Variants in MTF2 observed in about 807,000 individuals in gnomAD.
The protein encoded by MTF2 is metal response element binding transcription factor 2.
MTF2 carries 11 observed loss-of-function variants against 79.5 expected under a neutral mutation model. That is an observed-to-expected ratio of 0.14 (90% CI 0.09 to 0.23). The LOEUF (loss-of-function observed/expected upper bound fraction) is 0.23, where lower values mean the gene tolerates loss of function less well. MTF2 is among the 10% of genes least tolerant of loss of function. The pLI is 1.00. For missense variants in MTF2, 486 were observed against 711.2 expected (o/e 0.68, Z 3.60); for synonymous variants, 208 against 232.8 (o/e 0.89, Z 0.97).
At chr1:93,084,552 T>G (rs889287728) in intron 1 of MTF2, among the ~76,000 whole-genome samples, 1 of 152,170 alleles carries the variant, frequency 6.6e-6, no homozygotes, top group African/African-American at 2.4e-5. Flanking sequence ...TTGGTAGGTA[T>G]TGTATTGAAT....
At chr1:93,128,445 T>A (rs1013561506) in intron 10 of MTF2, among the ~76,000 whole-genome samples, 1 of 150,898 alleles carries the variant, frequency 6.6e-6, no homozygotes, top group African/African-American at 2.4e-5. Context: ...TATTCCCAGC[T>A]ACTTAGGAGG....
chr1:93,129,142 A>G, intron 10 of MTF2, 136 bp from the exon 11 acceptor site: 2 of 512,310 alleles, frequency 3.9e-6, no homozygotes, highest in East Asian at 6.7e-5. Flanking sequence ...AATCAAGGAA[A>G]GCAAGGGGAA....
intron 1 of MTF2, among the ~76,000 whole-genome samples, chr1:93,105,428 A>G (rs189512820): frequency 6.6e-6 from 1 of 152,300 alleles, no homozygotes; most frequent in Non-Finnish European, 1.5e-5. Context: ...GCCCAGAGAG[A>G]AGATTTATTG....
chr1:93,083,194 C>T (rs1654679278), intron 1 of MTF2, among the ~76,000 whole-genome samples: 1 of 152,164 alleles, frequency 6.6e-6, no homozygotes, highest in South Asian at 2.1e-4. Flanking sequence ...GGCGGCTCCA[C>T]ATGCTTTTAA....
chr1:93,119,431 G>A, intron 8 of MTF2, 30 bp downstream of exon 8: 1 of 1,507,662 alleles, frequency 6.6e-7, no homozygotes, highest in Non-Finnish European at 9.0e-7. Context: ...TTAAAAGAAA[G>A]AAAAGCCATT....
intron 1 of MTF2, among the ~76,000 whole-genome samples, chr1:93,091,609 A>G (rs894326234): frequency 6.6e-6 from 1 of 152,208 alleles, no homozygotes; most frequent in Non-Finnish European, 1.5e-5. Flanking sequence ...AAGATTGCCA[A>G]CGTTTCATTT....
At chr1:93,094,661 G>C (rs1464412634) in intron 1 of MTF2, among the ~76,000 whole-genome samples, 6 of 151,884 alleles carry the variant, frequency 4.0e-5, no homozygotes, top group African/African-American at 1.5e-4. Context: ...AGGCTTACCA[G>C]GTTCAGGTTT....
intron 1 of MTF2, among the ~76,000 whole-genome samples, chr1:93,080,764 C>CTT (rs34251431): frequency 5.1e-5 from 7 of 136,720 alleles, no homozygotes; most frequent in Non-Finnish European, 1.1e-4. Context: ...TTGGGAATTC[C>CTT]TTTTTTTTTT....
chr1:93,131,235 T>A (rs1031564524), intron 11 of MTF2, among the ~76,000 whole-genome samples: 1 of 151,990 alleles, frequency 6.6e-6, no homozygotes, highest in African/African-American at 2.4e-5. Context: ...AACCAGGAAG[T>A]TTGATGTCAT....
intron 9 of MTF2, among the ~76,000 whole-genome samples, chr1:93,123,726 C>T (rs1034332086): frequency 6.7e-6 from 1 of 150,230 alleles, no homozygotes; most frequent in Non-Finnish European, 1.5e-5. Flanking sequence ...TGTAATCTTA[C>T]ATTGAATCAG....
intron 10 of MTF2, 41 bp downstream of exon 10, chr1:93,127,340 T>A: frequency 4.0e-6 from 5 of 1,243,090 alleles, no homozygotes; most frequent in Non-Finnish European, 5.9e-6. Context: ...AGGGAGACAT[T>A]TAGTAAGTAT....
At chr1:93,127,986 G>T (rs930395410) in intron 10 of MTF2, among the ~76,000 whole-genome samples, 8 of 152,060 alleles carry the variant, frequency 5.3e-5, no homozygotes, top group African/African-American at 1.9e-4. Flanking sequence ...ATAAGTTGGT[G>T]TTTTGAAATT....
At chr1:93,116,501 ATTT>A (rs34058324) in intron 6 of MTF2, among the ~76,000 whole-genome samples, 10 of 120,396 alleles carry the variant, frequency 8.3e-5, no homozygotes, top group Admixed American at 1.8e-4. Context: ...CCATTGTAAG[ATTT>A]TTTTTTTTTT....
In MTF2 at chr1:93,137,163, T is replaced by A; in HGVS notation, c.*136T>A. 1 of 645,404 alleles carries A rather than the reference T, an allele frequency of 1.5e-6. No homozygotes were observed. The highest frequency in any genetic ancestry group is 2.6e-6 in the Non-Finnish European group (1 of 387,160). 40.0% of individuals were successfully genotyped at this position (645,404 alleles called of 1,614,324 possible). On this transcript the variant is annotated 3_prime_UTR_variant, in exon 15 of 15. Transcript: ENST00000370298. ...AAAAATTCAAAAAAGGGGATGATAC[T>A]AGCCTTAACATGTACCTGTCAATGT...
chr1:93,106,492 T>G (rs1008210382), intron 1 of MTF2, among the ~76,000 whole-genome samples: 1 of 150,682 alleles, frequency 6.6e-6, no homozygotes, highest in African/African-American at 2.4e-5. Flanking sequence ...GGATGCAAAA[T>G]CCCTCAAGTG....
At chr1:93,079,632 A>G (rs1006596267) in intron 1 of MTF2, 101 bp downstream of exon 1, 3 of 1,384,450 alleles carry the variant, frequency 2.2e-6, no homozygotes, top group Non-Finnish European at 3.1e-6. Context: ...ATGGAGGACC[A>G]AGGTGGGGGT....
intron 11 of MTF2, 98 bp downstream of exon 11, chr1:93,129,546 G>A: frequency 1.0e-6 from 1 of 960,838 alleles, no homozygotes; most frequent in Non-Finnish European, 1.4e-6. Context: ...AGTACAAGTG[G>A]CAGTTACTCT....
At chr1:93,106,617 T>G (rs1211319505) in intron 1 of MTF2, among the ~76,000 whole-genome samples, 6 of 152,072 alleles carry the variant, frequency 3.9e-5, no homozygotes, top group African/African-American at 1.2e-4. Context: ...CCTCCTGGGT[T>G]CAAGACATTT....
At chr1:93,088,538 A>G (rs192615870) in intron 1 of MTF2, among the ~76,000 whole-genome samples, 1 of 152,280 alleles carries the variant, frequency 6.6e-6, no homozygotes, top group East Asian at 1.9e-4. Context: ...CATTTTGAAA[A>G]TACTTGATAT....
Sources: gnomAD v4.1 joint callset for allele counts (sites outside exome capture counted in the v4.1 genomes callset) on GRCh38, gnomAD v4.1.1 for gene constraint, MANE v1.5 for transcripts, NCBI Gene and HGNC (gene_info 2026-07-23, HGNC 2026-07-21) for gene names.